Variants in ERCC8 observed in about 807,000 individuals in gnomAD.
ERCC8 encodes the protein ERCC excision repair 8, CSA ubiquitin ligase complex subunit, also known as DNA excision repair protein ERCC-8.
A neutral mutation model predicts 54.9 loss-of-function variants in ERCC8; 52 were observed. That is an observed-to-expected ratio of 0.95 (90% confidence interval 0.76 to 1.19). The LOEUF is 1.19. Ranked by LOEUF, ERCC8 falls within the 50% of genes most tolerant of loss-of-function variation. The probability of loss-of-function intolerance (pLI) is 0.00; values close to 1 mark genes in which losing one functional copy is unlikely to be tolerated. For synonymous variants in ERCC8, 146 were observed against 157.2 expected, an observed-to-expected ratio of 0.93 and a Z score of 0.53; for missense variants, 514 against 466.1, an observed-to-expected ratio of 1.10 and a Z score of -0.95.
intron 1 of ERCC8, among the ~76,000 whole-genome samples, chr5:60,941,607 G>A (rs1294459898): frequency 6.6e-6 from 1 of 152,140 alleles, no homozygotes; most frequent in African/African-American, 2.4e-5. Context: ...AATCCAAAGA[G>A]ATCTGCAACC....
intron 9 of ERCC8, chr5:60,893,142 A>AAGC: frequency 3.6e-6 from 3 of 842,708 alleles, no homozygotes; most frequent in Non-Finnish European, 6.2e-6. Flanking sequence ...CCCCATTTGG[A>AAGC]AGCAGCAGCA....
At chr5:60,918,049 G>A in intron 4 of ERCC8, 1 of 530,210 alleles carries the variant, frequency 1.9e-6, no homozygotes, top group Non-Finnish European at 3.4e-6. Context: ...TTACAGATGA[G>A]AAAGACACAC....
chr5:60,924,310 G>A (rs1294722119), intron 2 of ERCC8: 1 of 152,644 alleles, frequency 6.6e-6, no homozygotes, highest in Admixed American at 6.6e-5. Context: ...TTAAGTTGCT[G>A]TCTCTCTTGT....
chr5:60,897,622 A>G (rs1748758731), intron 9 of ERCC8, among the ~76,000 whole-genome samples: 1 of 152,206 alleles, frequency 6.6e-6, no homozygotes, highest in Non-Finnish European at 1.5e-5. Flanking sequence ...ATTAATAGCC[A>G]CATAAGAATA....
chr5:60,898,409 A>T lies in ERCC8; in HGVS notation c.719-9T>A, dbSNP rs746662773. The stretch of plus-strand genomic sequence containing the variant: ...ATTATGAGCAGTGTTTGCTGCAATG[A>T]AAAACATAGTTCAGTTTATCTGTTC... On this transcript the variant is annotated splice_polypyrimidine_tract_variant and intron_variant, in intron 8 of 11. Transcript: ENST00000676185. 6.2e-7 allele frequency: 1 copy of T among 1,613,260 alleles called. No individual in the cohort carries two copies. The highest frequency in any genetic ancestry group is 1.7e-5 in the Admixed American group (1 of 60,000).
chr5:60,892,330 T>C lies in ERCC8; in HGVS notation c.844-1244A>G, dbSNP rs185564738. 66 of 555,828 alleles carry C rather than the reference T, an allele frequency of 1.2e-4. 3 individuals are homozygous for C. Among genetic ancestry groups the C allele is most frequent in the African/African-American group, 1.1e-3 (57 of 52,744 alleles). The allele number at this position is 555,828 out of a possible 1,614,324, so 34.4% of individuals were successfully genotyped here. A position where few individuals can be genotyped will look rare whatever the true frequency, so the allele number is the denominator to read the frequency against. ...TTTTGAGTGGGTCTGTGTCACCCAATAGCTCATCAGATTCTCCAGTGGCCA... is the reference window on the plus strand; with the variant it reads ...TTTTGAGTGGGTCTGTGTCACCCAACAGCTCATCAGATTCTCCAGTGGCCA... On this transcript the variant is annotated intron_variant, in intron 9 of 11. Coordinates refer to ENST00000676185, the MANE Select transcript of ERCC8 (RefSeq NM_000082.4).
rs925588173 is a variant in ERCC8 at position 60,874,273 on chromosome 5, G to A, written c.*342C>T. 4.8e-6 allele frequency: 1 copy of A among 209,190 alleles called. No individual in the cohort carries two copies. The highest frequency in any genetic ancestry group is 9.5e-6 in the Non-Finnish European group (1 of 105,404). 13.0% of individuals were successfully genotyped at this position (209,190 alleles called of 1,614,324 possible). On this transcript the variant is annotated 3_prime_UTR_variant, in exon 12 of 12. Coordinates refer to ENST00000676185, the MANE Select transcript of ERCC8 (RefSeq NM_000082.4). ...CAGCAAGTAAGAGAAAGTCAATACTGATGGCCTCCACTTGCTGATCCTCTG... is the reference window on the plus strand; with the variant it reads ...CAGCAAGTAAGAGAAAGTCAATACTAATGGCCTCCACTTGCTGATCCTCTG...
intron 1 of ERCC8, among the ~76,000 whole-genome samples, chr5:60,943,174 G>C (rs1166786250): frequency 6.6e-6 from 1 of 152,084 alleles, no homozygotes. Context: ...AGGAGGATGA[G>C]ATGGGAGGAT....
At chr5:60,892,872 C>G (rs1748606308) in intron 9 of ERCC8, 2 of 700,302 alleles carry the variant, frequency 2.9e-6, no homozygotes, top group Admixed American at 4.2e-5. Context: ...AATCAGGCTG[C>G]TTTTCCCAAT....
At chr5:60,893,319 G>T in intron 9 of ERCC8, 1 of 877,308 alleles carries the variant, frequency 1.1e-6, no homozygotes. Context: ...TCCTCCTGGC[G>T]TCTTAGGATA....
At chr5:60,916,549 G>A (rs1021921690) in intron 4 of ERCC8, among the ~76,000 whole-genome samples, 2 of 151,882 alleles carry the variant, frequency 1.3e-5, no homozygotes, top group African/African-American at 2.4e-5. Context: ...ATTATAGTCA[G>A]AAGTGAAAGG....
At chr5:60,909,973 A>T (rs1289427483) in intron 4 of ERCC8, 2 of 150,548 alleles carry the variant, frequency 1.3e-5, no homozygotes, top group African/African-American at 4.9e-5. Flanking sequence ...AAAAAAAAAA[A>T]ATAATAATAA....
intron 4 of ERCC8, among the ~76,000 whole-genome samples, chr5:60,914,352 T>C (rs1005562549): frequency 2.0e-5 from 3 of 152,156 alleles, no homozygotes; most frequent in African/African-American, 4.8e-5. Context: ...TGGCCTTCTT[T>C]GTCTCTTTTG....
At chr5:60,923,714 C>T (rs1216069868) in intron 2 of ERCC8, among the ~76,000 whole-genome samples, 2 of 152,004 alleles carry the variant, frequency 1.3e-5, no homozygotes, top group Admixed American at 6.6e-5. Flanking sequence ...GGAAGTTACA[C>T]CAAATTTAAA....
intron 11 of ERCC8, among the ~76,000 whole-genome samples, chr5:60,886,273 C>T (rs1748387427): frequency 6.6e-6 from 1 of 152,026 alleles, no homozygotes; most frequent in Non-Finnish European, 1.5e-5. Flanking sequence ...TGGTCTTGTT[C>T]ATCTTTGTTT....
rs188799170 is a variant in ERCC8, at chr5:60,871,665, G to C, written c.*2950C>G. Among the ~76,000 whole-genome samples the C allele has an allele frequency of 6.6e-6, 1 of 152,048 alleles. No homozygotes were observed. The highest frequency in any genetic ancestry group is 2.4e-5 in the African/African-American group (1 of 41,412). On this transcript the variant is annotated 3_prime_UTR_variant, in exon 12 of 12. Coordinates refer to ENST00000676185, the MANE Select transcript of ERCC8 (RefSeq NM_000082.4). ...CAGGTGACCACTACCTTCCTTTTTA[G>C]ATTTTTATGTTGTTTGAATTATTTA...
chr5:60,871,473 C>T lies in ERCC8; in HGVS notation c.*3142G>A, dbSNP rs192658878. The stretch of plus-strand genomic sequence containing the variant: ...TCTAGGTTAATAACTTGGTTTGTGG[C>T]AGCAGGGGTAAGGACTGGGGAATGT... On this transcript the variant is annotated 3_prime_UTR_variant, in exon 12 of 12. Transcript: ENST00000676185. Among the ~76,000 whole-genome samples, 13 of 152,204 alleles carry T rather than the reference C, an allele frequency of 8.5e-5. No individual in the cohort carries two copies. The highest frequency in any genetic ancestry group is 3.1e-4 in the African/African-American group (13 of 41,538).
intron 11 of ERCC8, 22 bp downstream of exon 11, chr5:60,887,418 C>T (rs932888807): frequency 1.9e-6 from 3 of 1,543,950 alleles, no homozygotes; most frequent in African/African-American, 2.7e-5. Context: ...GTCACTGTAC[C>T]ATTTGTGAAA....
intron 1 of ERCC8, among the ~76,000 whole-genome samples, chr5:60,936,674 C>T (rs1750076024): frequency 6.6e-6 from 1 of 152,160 alleles, no homozygotes; most frequent in Non-Finnish European, 1.5e-5. Context: ...GAACTTTCAT[C>T]TTAGCACCAC....
Sources: allele counts gnomAD v4.1 joint callset (sites outside exome capture counted in the v4.1 genomes callset), GRCh38; gene constraint gnomAD v4.1.1; transcripts MANE v1.5; gene names NCBI Gene and HGNC (gene_info 2026-07-23, HGNC 2026-07-21).